The following NAALADL2 variants were observed in gnomAD, a reference collection of about 807,000 sequenced individuals.
The protein encoded by NAALADL2 is inactive N-acetylated-alpha-linked acidic dipeptidase-like protein 2.
Under a neutral mutation model 87.2 loss-of-function variants are expected in NAALADL2, and 76 were observed. The ratio of observed to expected loss-of-function variants is 0.87; its 90% CI spans 0.72 to 1.05. NAALADL2 has a LOEUF of 1.05. Among genes scored for constraint, NAALADL2 ranks in the 50% least tolerant of loss-of-function variants. NAALADL2 has a pLI of 0.00. For synonymous variants in NAALADL2, 354 were observed against 331.0 expected (o/e 1.07, Z -0.75); for missense variants, 1,089 against 945.8 (o/e 1.15, Z -1.99).
intron 1 of NAALADL2, among the ~76,000 whole-genome samples, chr3:174,914,668 TAGAA>T (rs1560358073): frequency 6.6e-6 from 1 of 152,188 alleles, no homozygotes; most frequent in Non-Finnish European, 1.5e-5. Context: ...GACATTTATT[TAGAA>T]AGGAAAATTT....
chr3:174,643,568 C>T (rs988521516), intron 2 of NAALADL2, among the ~76,000 whole-genome samples: 4 of 151,978 alleles, frequency 2.6e-5, no homozygotes, highest in South Asian at 2.1e-4. Context: ...GCAGGAGAAT[C>T]GCTTAAACCT....
chr3:174,982,110 C>T (rs955875178), intron 1 of NAALADL2, among the ~76,000 whole-genome samples: 1 of 152,122 alleles, frequency 6.6e-6, no homozygotes, highest in Non-Finnish European at 1.5e-5. Context: ...GCAGTGTCTA[C>T]AACATACAAC....
At chr3:174,666,835 A>G (rs1725997883) in intron 2 of NAALADL2, among the ~76,000 whole-genome samples, 1 of 151,948 alleles carries the variant, frequency 6.6e-6, no homozygotes, top group Non-Finnish European at 1.5e-5. Flanking sequence ...AACAACTTTC[A>G]TTTTCTACAA....
chr3:174,501,623 G>A (rs914793223), intron 1 of NAALADL2, among the ~76,000 whole-genome samples: 4 of 152,004 alleles, frequency 2.6e-5, no homozygotes, highest in African/African-American at 9.7e-5. Context: ...AATGAGCTTT[G>A]GCAGTTTGTG....
chr3:174,764,861 T>A (rs962409815), intron 3 of NAALADL2, among the ~76,000 whole-genome samples: 2 of 152,090 alleles, frequency 1.3e-5, no homozygotes, highest in Admixed American at 6.5e-5. Context: ...GAGGTGGACT[T>A]TTTATAGTAT....
At chr3:175,125,269 T>C (rs1312185786) in intron 2 of NAALADL2, among the ~76,000 whole-genome samples, 1 of 151,988 alleles carries the variant, frequency 6.6e-6, no homozygotes, top group Non-Finnish European at 1.5e-5. Context: ...GGGTGAAACA[T>C]TGTGGGCCAT....
At chr3:175,060,352 G>A (rs1163635191) in intron 1 of NAALADL2, among the ~76,000 whole-genome samples, 1 of 152,178 alleles carries the variant, frequency 6.6e-6, no homozygotes, top group Non-Finnish European at 1.5e-5. Flanking sequence ...TCATCCACAT[G>A]TTCCAAAATT....
intron 3 of NAALADL2, among the ~76,000 whole-genome samples, chr3:174,804,095 T>C (rs1241856065): frequency 2.0e-5 from 3 of 152,078 alleles, no homozygotes; most frequent in African/African-American, 4.8e-5. Context: ...TTCTTCCTAT[T>C]CATGAGCATG....
intron 1 of NAALADL2, among the ~76,000 whole-genome samples, chr3:174,875,140 AAATC>A (rs1474648121): frequency 6.9e-6 from 1 of 145,090 alleles, no homozygotes; most frequent in African/African-American, 2.6e-5. Flanking sequence ...AAAAAAAAAA[AAATC>A]ACGATTGGCG....
intron 2 of NAALADL2, among the ~76,000 whole-genome samples, chr3:174,632,218 A>G (rs566093736): frequency 6.6e-6 from 1 of 152,284 alleles, no homozygotes; most frequent in Non-Finnish European, 1.5e-5. Flanking sequence ...GTGGATTAAT[A>G]CTATGTTAAA....
At chr3:174,958,535 T>C (rs965902367) in intron 1 of NAALADL2, among the ~76,000 whole-genome samples, 2 of 152,036 alleles carry the variant, frequency 1.3e-5, no homozygotes, top group African/African-American at 4.8e-5. Context: ...AATTGAATTT[T>C]AAGTGGAGTG....
intron 1 of NAALADL2, among the ~76,000 whole-genome samples, chr3:174,465,480 A>T (rs1002433881): frequency 6.6e-6 from 1 of 152,256 alleles, no homozygotes; most frequent in African/African-American, 2.4e-5. Flanking sequence ...CTAAGATACC[A>T]AATTTGTTAT....
At chr3:174,889,024 C>T (rs1730550660) in intron 1 of NAALADL2, among the ~76,000 whole-genome samples, 2 of 152,154 alleles carry the variant, frequency 1.3e-5, no homozygotes, top group African/African-American at 4.8e-5. Context: ...TATTCTGTAG[C>T]ACCTTGCAAG....
At chr3:175,161,763 A>G (rs1391206260) in intron 2 of NAALADL2, among the ~76,000 whole-genome samples, 3 of 152,074 alleles carry the variant, frequency 2.0e-5, no homozygotes, top group African/African-American at 4.8e-5. Flanking sequence ...CTTATAGTCT[A>G]ATTATACATT....
chr3:175,328,352 AT>A (rs993477221), intron 5 of NAALADL2, among the ~76,000 whole-genome samples: 1 of 152,050 alleles, frequency 6.6e-6, no homozygotes, highest in Non-Finnish European at 1.5e-5. Context: ...TATTATCCTC[AT>A]TAGATTGAAC....
In NAALADL2 at chr3:175,447,349, GCT is replaced by G; in HGVS notation, c.1216_1217del (p.Leu406ArgfsTer5). On this transcript the variant is annotated frameshift_variant, in exon 6 of 14. Coordinates refer to ENST00000454872, the MANE Select transcript of NAALADL2 (RefSeq NM_207015.3). LOFTEE classifies it high-confidence loss of function. ...GCTAGAACCAAAAATGAAGCGTGTAGCTCTCTAGAGCTTCCAAATAATGGTAA... is the reference window on the plus strand; with the variant it reads ...GCTAGAACCAAAAATGAAGCGTGTAGCTCTAGAGCTTCCAAATAATGGTAA... The G allele has an allele frequency of 6.4e-7, 1 of 1,574,090 alleles. No individual in the cohort carries two copies. Among genetic ancestry groups the G allele is most frequent in the Non-Finnish European group, 8.6e-7 (1 of 1,163,648 alleles).
chr3:175,469,167 A>G (rs529112052), intron 8 of NAALADL2, among the ~76,000 whole-genome samples: 267 of 152,226 alleles, frequency 1.8e-3, no homozygotes, highest in African/African-American at 5.9e-3. Flanking sequence ...GGTAAATAAT[A>G]TACATTTGAT....
intron 2 of NAALADL2, among the ~76,000 whole-genome samples, chr3:175,172,214 T>G (rs1734945099): frequency 6.6e-6 from 1 of 152,016 alleles, no homozygotes; most frequent in Non-Finnish European, 1.5e-5. Flanking sequence ...ATTGATAATG[T>G]AATCATATCC....
chr3:175,630,443 T>TATG (rs1727603052), intron 11 of NAALADL2, among the ~76,000 whole-genome samples: 1 of 151,754 alleles, frequency 6.6e-6, no homozygotes, highest in Non-Finnish European at 1.5e-5. Context: ...AGAAATGAAG[T>TATG]ATGTATTTAA....
Sources: allele counts gnomAD v4.1 joint callset (sites outside exome capture counted in the v4.1 genomes callset), GRCh38; gene constraint gnomAD v4.1.1; transcripts MANE v1.5; gene names NCBI Gene and HGNC (gene_info 2026-07-23, HGNC 2026-07-21).